The following REV3L variants were observed in gnomAD, a reference collection of about 807,000 sequenced individuals.
REV3L encodes DNA polymerase zeta catalytic subunit.
In REV3L, 69 loss-of-function variants were observed where a neutral mutation model predicts 299.4. That is an observed-to-expected ratio of 0.23 (90% CI 0.19 to 0.28). The LOEUF (loss-of-function observed/expected upper bound fraction) is 0.28. Among genes scored for constraint, REV3L ranks in the 10% least tolerant of loss-of-function variants. REV3L has a pLI of 1.00. For missense variants in REV3L, 3,128 were observed against 3,693.8 expected (o/e 0.85, Z 3.97); for synonymous variants, 1,238 against 1,271.4 (o/e 0.97, Z 0.56).
intron 21 of REV3L, among the ~76,000 whole-genome samples, chr6:111,340,583 C>T (rs945952497): frequency 6.6e-6 from 1 of 151,824 alleles, no homozygotes; most frequent in Admixed American, 6.6e-5. Context: ...CATTCTAAGT[C>T]GATTTACAAT....
chr6:111,414,758 G>A (rs1334224346), intron 2 of REV3L, among the ~76,000 whole-genome samples: 1 of 152,014 alleles, frequency 6.6e-6, no homozygotes, highest in African/African-American at 2.4e-5. Context: ...TTAAACTTTT[G>A]CAGTCAACCT....
At chr6:111,340,648 A>T (rs552412809) in intron 21 of REV3L, among the ~76,000 whole-genome samples, 3 of 152,150 alleles carry the variant, frequency 2.0e-5, no homozygotes, top group Admixed American at 6.6e-5. Context: ...AAAAGGGGTT[A>T]CCATACCTAC....
At chr6:111,466,401 G>C (rs1287107436) in intron 1 of REV3L, among the ~76,000 whole-genome samples, 1 of 152,032 alleles carries the variant, frequency 6.6e-6, no homozygotes, top group Non-Finnish European at 1.5e-5. Flanking sequence ...TTTAAAAAAA[G>C]CACATAGAGG....
intron 9 of REV3L, among the ~76,000 whole-genome samples, chr6:111,382,346 C>T (rs1235200833): frequency 6.6e-6 from 1 of 152,142 alleles, no homozygotes; most frequent in Admixed American, 6.5e-5. Context: ...GCTGACAGCA[C>T]CTCCCATCTC....
At chr6:111,334,437 T>C (rs956638874) in intron 22 of REV3L, among the ~76,000 whole-genome samples, 26 of 152,078 alleles carry the variant, frequency 1.7e-4, no homozygotes, top group African/African-American at 5.6e-4. Context: ...AAAATGATTA[T>C]AGAATTATAA....
chr6:111,315,561 T>C (rs751263518), intron 26 of REV3L, 180 bp from the exon 27 acceptor site: 21 of 576,310 alleles, frequency 3.6e-5, no homozygotes, highest in African/African-American at 1.9e-4. Context: ...CTTATGTACT[T>C]ATATCTTGTT....
intron 1 of REV3L, among the ~76,000 whole-genome samples, chr6:111,454,749 C>T (rs1789974142): frequency 6.6e-6 from 1 of 152,194 alleles, no homozygotes. Context: ...TCACCACAAC[C>T]TCCATCTCCC....
At chr6:111,389,282 T>G (rs780347321) in intron 6 of REV3L, 72 bp from the exon 7 acceptor site, 7 of 1,076,132 alleles carry the variant, frequency 6.5e-6, no homozygotes, top group Non-Finnish European at 9.8e-6. Context: ...AACTTTTCTT[T>G]AACAAATACT....
At chr6:111,436,578 A>T (rs752463614) in intron 1 of REV3L, among the ~76,000 whole-genome samples, 4 of 152,158 alleles carry the variant, frequency 2.6e-5, no homozygotes, top group Non-Finnish European at 5.9e-5. Flanking sequence ...GAGCTAAAAA[A>T]GTGGATCTCA....
Position 111,397,801 on chromosome 6 carries a change from TG to T in REV3L, c.566-4830del, listed in dbSNP as rs575204553. Among the ~76,000 whole-genome samples the T allele has an allele frequency of 1.2e-4, 19 of 152,122 alleles. No individual in the cohort carries two copies. In the East Asian group the frequency reaches 3.3e-3, roughly 27 times the overall value. On this transcript the variant is annotated intron_variant, in intron 4 of 31. Coordinates refer to ENST00000368802, the MANE Select transcript of REV3L (RefSeq NM_001372078.1). ...ACAGGTGTATGCCACCACACCTGGCTGATTTTTATCTTTTTTGTAAAGATGA... is the reference window on the plus strand; with the variant it reads ...ACAGGTGTATGCCACCACACCTGGCTATTTTTATCTTTTTTGTAAAGATGA...
chr6:111,391,197 C>G (rs1781895118), intron 5 of REV3L, among the ~76,000 whole-genome samples: 1 of 151,792 alleles, frequency 6.6e-6, no homozygotes, highest in Non-Finnish European at 1.5e-5. Context: ...TCCCAAGTAA[C>G]TGGGATTACA....
At chr6:111,358,733 G>A in intron 17 of REV3L, 89 bp downstream of exon 17, 2 of 1,004,850 alleles carry the variant, frequency 2.0e-6, no homozygotes, top group South Asian at 1.8e-5. Flanking sequence ...CATCATGCTT[G>A]CTTAGATTAG....
chr6:111,367,168 C>T lies in REV3L; in HGVS notation c.6620G>A (p.Arg2207Lys). 6.2e-7 allele frequency: 1 copy of T among 1,609,876 alleles called. No homozygotes were observed. The highest frequency in any genetic ancestry group is 1.3e-5 in the African/African-American group (1 of 74,712). Residue 2207 changes from arginine to lysine, a missense_variant, in exon 14 of 32, where the codon AGA (arginine) becomes AAA (lysine). Physicochemically the swap from Arg to Lys is conservative, Grantham distance 26. Coordinates refer to ENST00000368802, the MANE Select transcript of REV3L (RefSeq NM_001372078.1). ...TTCAGGAAGCCTTTCCAGAAGTTTT[C>T]TCTGTATGATTGGTGTACTATGAAA... ...LCFHSTPIIQ[R>K]KLLERLPEAP...
At chr6:111,393,693 T>G (rs1222504766) in intron 4 of REV3L, among the ~76,000 whole-genome samples, 2 of 151,774 alleles carry the variant, frequency 1.3e-5, no homozygotes. Flanking sequence ...GTAACTACCT[T>G]TCTTCTTTTT....
rs554649555 is a variant in REV3L, at chr6:111,372,907, G to A, written c.5448C>T (p.Thr1816=). Residue 1816 remains threonine, a synonymous_variant, in exon 13 of 32, where the codon ACC becomes ACT. Transcript: ENST00000368802. ...EMGQSLDSAN[T]SFTAILSSPD... is the part of the protein sequence containing the mutation. The stretch of plus-strand genomic sequence containing the variant: ...GGGAGGAGAGTATTGCAGTAAAAGA[G>A]GTATTGGCTGAGTCAAGAGACTGTC... 2.4e-5 allele frequency: 39 copies of A among 1,614,066 alleles called. No homozygotes were observed. In the South Asian group the frequency reaches 4.0e-4, roughly 16 times the overall value.
At chr6:111,340,093 G>A (rs1776335641) in intron 21 of REV3L, among the ~76,000 whole-genome samples, 1 of 152,116 alleles carries the variant, frequency 6.6e-6, no homozygotes, top group South Asian at 2.1e-4. Flanking sequence ...CATCTGGGGA[G>A]AAGGTGACAA....
chr6:111,453,735 G>A (rs1012490786), intron 1 of REV3L, among the ~76,000 whole-genome samples: 2 of 152,114 alleles, frequency 1.3e-5, no homozygotes, highest in Non-Finnish European at 2.9e-5. Flanking sequence ...TATAATCCCA[G>A]CACTTTGGGA....
intron 4 of REV3L, among the ~76,000 whole-genome samples, chr6:111,394,830 G>C (rs1421976609): frequency 6.6e-6 from 1 of 151,084 alleles, no homozygotes; most frequent in African/African-American, 2.4e-5. Context: ...AGCCTCCCAA[G>C]CTGCTGGGGC....
intron 4 of REV3L, among the ~76,000 whole-genome samples, chr6:111,398,408 C>T (rs1782747461): frequency 6.6e-6 from 1 of 151,456 alleles, no homozygotes; most frequent in African/African-American, 2.4e-5. Context: ...CTCTTTTACC[C>T]ATGTGGGGGG....
Sources: allele counts gnomAD v4.1 joint callset (sites outside exome capture counted in the v4.1 genomes callset), GRCh38; gene constraint gnomAD v4.1.1; transcripts MANE v1.5; gene names NCBI Gene and HGNC (gene_info 2026-07-23, HGNC 2026-07-21).